PASD1: variants seen among roughly 807,000 people sequenced by gnomAD.
The protein encoded by PASD1 is PAS domain containing repressor 1, also known as circadian clock protein PASD1.
In PASD1, 13 loss-of-function variants were observed where a neutral mutation model predicts 58.8. The observed-to-expected ratio is 0.22, with a 90% CI of 0.14 to 0.35. The LOEUF is 0.35. Ranked by LOEUF, PASD1 falls within the 10% of genes least tolerant of loss-of-function variation. PASD1 has a pLI of 1.00. For synonymous variants in PASD1, 236 were observed against 216.7 expected, an observed-to-expected ratio of 1.09 and a Z score of -0.78; for missense variants, 734 against 568.3, an observed-to-expected ratio of 1.29 and a Z score of -2.96.
In PASD1 at chrX:151,672,571, C is replaced by A; in HGVS notation, c.1826C>A (p.Pro609His). The A allele has an allele frequency of 4.1e-6, 5 of 1,212,113 alleles. No individual in the cohort carries two copies. The highest frequency in any genetic ancestry group is 5.6e-6 in the Non-Finnish European group (5 of 895,627). Reference protein sequence around the residue: ...NHPVRFLQAQPIVPVQRAAEQ... With the variant: ...NHPVRFLQAQHIVPVQRAAEQ... ...CCTGTTAGATTTTTACAGGCCCAAC[C>A]CATTGTTCCTGTCCAGAGAGCAGCT... The change falls in exon 14 of 16, where the codon CCC (proline) becomes CAC (histidine). Residue 609 changes from proline (P) to histidine (H), a missense_variant. Physicochemically the swap from Pro to His is moderately conservative, Grantham distance 77 (BLOSUM62 -2). Transcript: ENST00000370357.
rs752445040 is a variant in PASD1 at position 151,659,793 on chromosome X, T to C, written c.798T>C (p.Tyr266=). 2.5e-6 allele frequency: 3 copies of C among 1,206,021 alleles called. No individual in the cohort carries two copies. The highest frequency in any genetic ancestry group is 3.4e-6 in the Non-Finnish European group (3 of 890,329). The part of the protein sequence containing the change: ...VHMFVDSDST[Y]CSSTVFLDTM... ...TGTTTGTAGATTCTGATTCAACTTA[T>C]TGCTCCAGTACAGTTTTCCTGGATA... The change falls in exon 10 of 16, where the codon TAT becomes TAC. Residue 266 remains tyrosine (Y), a synonymous_variant. Coordinates refer to ENST00000370357, the MANE Select transcript of PASD1 (RefSeq NM_173493.3).
chrX:151,587,957 GACTT>G (rs1432178608), intron 1 of PASD1, among the ~76,000 whole-genome samples: 5 of 112,021 alleles, frequency 4.5e-5, no homozygotes, highest in African/African-American at 1.6e-4. Flanking sequence ...AATTTCCACT[GACTT>G]GGTTGATATG....
In PASD1 at chrX:151,671,149, A is replaced by T. The variant is rs1211129765; in HGVS notation, c.1183A>T (p.Ile395Phe). The T allele has an allele frequency of 4.1e-6, 5 of 1,210,408 alleles. No homozygotes were observed. Among genetic ancestry groups the T allele is most frequent in the Non-Finnish European group, 4.5e-6 (4 of 895,350 alleles). Residue 395 changes from isoleucine (I) to phenylalanine (F), a missense_variant, in exon 12 of 16, where the codon ATC (isoleucine) becomes TTC (phenylalanine). Ile to Phe is a conservative substitution (Grantham distance 21). Coordinates refer to ENST00000370357, the MANE Select transcript of PASD1 (RefSeq NM_173493.3). ...EERTWLLHDA[I>F]QNQQNALELM... ...GAGGACTTGGTTGCTGCATGATGCC[A>T]TCCAAAACCAGCAGAATGCATTGGA... is the stretch of plus-strand genomic sequence containing the variant.
chrX:151,638,540 G>A (rs1043103054), intron 8 of PASD1, among the ~76,000 whole-genome samples: 6 of 110,536 alleles, frequency 5.4e-5, no homozygotes, highest in Admixed American at 1.9e-4. Context: ...AACTCATTTC[G>A]TCCTCACCAC....
chrX:151,663,281 T>G (rs1308269957), intron 10 of PASD1, among the ~76,000 whole-genome samples: 1 of 112,161 alleles, frequency 8.9e-6, no homozygotes. Flanking sequence ...TTCCAGAATG[T>G]CATGTAAGAG....
intron 14 of PASD1, 49 bp from the exon 15 acceptor site, chrX:151,673,879 G>C: frequency 8.3e-7 from 1 of 1,199,436 alleles, no homozygotes; most frequent in Non-Finnish European, 1.1e-6. Flanking sequence ...TGTCTCATCA[G>C]TTATCATGTC....
At chrX:151,587,675 A>C (rs757230336) in intron 1 of PASD1, among the ~76,000 whole-genome samples, 1 of 111,899 alleles carries the variant, frequency 8.9e-6, no homozygotes, top group South Asian at 3.8e-4. Context: ...AAGGTTAGAG[A>C]AAAGCACAGC....
At chrX:151,627,803 T>A (rs142989383) in intron 8 of PASD1, among the ~76,000 whole-genome samples, 3,675 of 111,972 alleles carry the variant, frequency 0.033, 66 homozygotes, top group Middle Eastern at 0.079. Context: ...ATGGTTGAAC[T>A]AGTTCACAGT....
chrX:151,597,511 C>T (rs1258406354), intron 1 of PASD1, among the ~76,000 whole-genome samples: 1 of 111,229 alleles, frequency 9.0e-6, no homozygotes, highest in Non-Finnish European at 1.9e-5. Context: ...TTATAATATG[C>T]CCTTTCATTC....
rs745789465 is a variant in PASD1, at chrX:151,611,744, A to G, written c.198A>G (p.Gly66=). 1.7e-6 allele frequency: 2 copies of G among 1,199,265 alleles called. No homozygotes were observed. Among genetic ancestry groups the G allele is most frequent in the Non-Finnish European group, 1.1e-6 (1 of 886,331 alleles). ...CTGAAAACATCTCTTCTCTTCTTGGACATTTACCAGTAAGTTCTTTCTACT... is the reference window on the plus strand; with the variant it reads ...CTGAAAACATCTCTTCTCTTCTTGGGCATTTACCAGTAAGTTCTTTCTACT... The part of the protein sequence containing the change: ...CVAENISSLL[G]HLPAEIVGKK... Residue 66 remains glycine (G), a synonymous_variant, in exon 4 of 16, where the codon GGA becomes GGG. Transcript: ENST00000370357.
At chrX:151,633,673 C>A (rs1283674316) in intron 8 of PASD1, among the ~76,000 whole-genome samples, 1 of 111,721 alleles carries the variant, frequency 9.0e-6, no homozygotes, top group African/African-American at 3.2e-5. Flanking sequence ...AATCATTAAA[C>A]TATTAGATTT....
At chrX:151,648,810 A>G (rs2014095594) in intron 9 of PASD1, 108 bp downstream of exon 9, 1 of 909,715 alleles carries the variant, frequency 1.1e-6, no homozygotes, top group African/African-American at 2.0e-5. Flanking sequence ...GATGTGACAC[A>G]TGAGCAGTGT....
intron 8 of PASD1, among the ~76,000 whole-genome samples, chrX:151,632,105 T>A (rs2013876214): frequency 9.1e-6 from 1 of 110,190 alleles, no homozygotes; most frequent in Non-Finnish European, 1.9e-5. Context: ...GCAGGTGAGA[T>A]GATGAGGGCC....
At chrX:151,588,059 A>G (rs998664196) in intron 1 of PASD1, among the ~76,000 whole-genome samples, 1 of 112,250 alleles carries the variant, frequency 8.9e-6, no homozygotes, top group Non-Finnish European at 1.9e-5. Flanking sequence ...GCCTTTAATA[A>G]ACCTTATATG....
At chrX:151,583,407 A>T (rs1161113837) in intron 1 of PASD1, among the ~76,000 whole-genome samples, 1 of 111,891 alleles carries the variant, frequency 8.9e-6, no homozygotes, top group Non-Finnish European at 1.9e-5. Context: ...ATTCCAAGGG[A>T]GGTTTATTGC....
intron 8 of PASD1, among the ~76,000 whole-genome samples, chrX:151,646,471 A>G (rs1489948296): frequency 1.8e-5 from 2 of 112,311 alleles, no homozygotes; most frequent in Non-Finnish European, 3.8e-5. Flanking sequence ...CTAGCTACGG[A>G]GCACTTGAAA....
intron 8 of PASD1, among the ~76,000 whole-genome samples, chrX:151,647,243 C>A (rs1399120275): frequency 8.9e-6 from 1 of 111,936 alleles, no homozygotes. Flanking sequence ...AAAGAAATAA[C>A]AGAACTCCAA....
In PASD1 at chrX:151,606,257, G is replaced by C. The variant is rs146355639; in HGVS notation, c.117+1523G>C. On this transcript the variant is annotated intron_variant, in intron 3 of 15. Coordinates refer to ENST00000370357, the MANE Select transcript of PASD1 (RefSeq NM_173493.3). ...GGCTAATCAGAGCTGACTTCAACCA[G>C]GGAGATGGAAACATCAGGGAATCTG... Among the ~76,000 whole-genome samples the C allele has an allele frequency of 2.6e-4, 29 of 112,015 alleles. No homozygotes were observed. In the East Asian group the frequency reaches 7.1e-3, roughly 27 times the overall value.
intron 8 of PASD1, among the ~76,000 whole-genome samples, chrX:151,636,435 G>T (rs1227589497): frequency 9.1e-6 from 1 of 110,080 alleles, no homozygotes; most frequent in African/African-American, 3.3e-5. Flanking sequence ...GAAATTTCTC[G>T]CTCTGTCGCC....
Sources: allele counts gnomAD v4.1 joint callset (sites outside exome capture counted in the v4.1 genomes callset), GRCh38; gene constraint gnomAD v4.1.1; transcripts MANE v1.5; gene names NCBI Gene and HGNC (gene_info 2026-07-23, HGNC 2026-07-21).